The following MSL2 variants were observed in gnomAD, a reference collection of about 807,000 sequenced individuals.
MSL2 encodes MSL complex subunit 2.
In MSL2, 2 loss-of-function variants were observed where a neutral mutation model predicts 35.8. The ratio of observed to expected loss-of-function variants is 0.06; its 90% CI spans 0.02 to 0.18. The LOEUF (loss-of-function observed/expected upper bound fraction) is 0.18. Ranked by LOEUF, MSL2 falls within the 10% of genes least tolerant of loss-of-function variation. The pLI is 1.00. For missense variants in MSL2, 523 were observed against 706.7 expected (o/e 0.74, Z 2.95); for synonymous variants, 296 against 255.7 (o/e 1.16, Z -1.50).
chr3:136,188,584 T>C (rs1576376831), intron 1 of MSL2, among the ~76,000 whole-genome samples: 1 of 152,054 alleles, frequency 6.6e-6, no homozygotes, highest in Middle Eastern at 3.4e-3. Context: ...ACCCCATCTC[T>C]ACAAAATATC....
At chr3:136,186,580 GCA>G (rs1315678501) in intron 1 of MSL2, among the ~76,000 whole-genome samples, 1 of 152,150 alleles carries the variant, frequency 6.6e-6, no homozygotes, top group Non-Finnish European at 1.5e-5. Flanking sequence ...TCTCATAGGA[GCA>G]CAAACACTAT....
At position 136,150,140 on chromosome 3, in the gene MSL2, ATTC is replaced by A. The variant is rs999505526; in HGVS notation, c.*1004_*1006del. 2.0e-5 allele frequency: 3 copies of A among 152,654 alleles called. No individual in the cohort carries two copies. The highest frequency in any genetic ancestry group is 2.9e-5 in the Non-Finnish European group (2 of 68,030). The allele number at this position is 152,654 out of a possible 1,614,324, so 9.5% of individuals were successfully genotyped here. A position where few individuals can be genotyped will look rare whatever the true frequency, so the allele number is the denominator to read the frequency against. On this transcript the variant is annotated 3_prime_UTR_variant, in exon 2 of 2. Coordinates refer to ENST00000309993, the MANE Select transcript of MSL2 (RefSeq NM_018133.4). The stretch of plus-strand genomic sequence containing the variant: ...AAATGCACAGGCTTTATAAAAAGGC[ATTC>A]TTATTAGGCCTCTATAAAGAAGCCT...
Position 136,152,223 on chromosome 3 carries a change from C to A in MSL2, c.658G>T (p.Val220Leu), listed in dbSNP as rs138484914. 4.6e-5 allele frequency: 74 copies of A among 1,614,066 alleles called. No homozygotes were observed. In the Middle Eastern group the frequency reaches 2.8e-3, roughly 61 times the overall value. The stretch of plus-strand genomic sequence containing the variant: ...GTTTTTATGTCAACAGTATTACATA[C>A]GTCAATCGTATTTGAATGTTCAGGT... Reference protein sequence around the residue: ...PSPEHSNTIDVCNTVDIKTED... With the variant: ...PSPEHSNTIDLCNTVDIKTED... The change falls in exon 2 of 2, where the codon GTA becomes TTA. Residue 220 changes from valine to leucine, a missense_variant. Coordinates refer to ENST00000309993, the MANE Select transcript of MSL2 (RefSeq NM_018133.4).
intron 1 of MSL2, among the ~76,000 whole-genome samples, chr3:136,163,298 A>G (rs1463766975): frequency 6.6e-6 from 1 of 152,208 alleles, no homozygotes; most frequent in Non-Finnish European, 1.5e-5. Flanking sequence ...GTAGCCCTAA[A>G]ATGAATTTCA....
At chr3:136,168,411 C>CTTAT (rs756439756) in intron 1 of MSL2, among the ~76,000 whole-genome samples, 1 of 152,170 alleles carries the variant, frequency 6.6e-6, no homozygotes. Context: ...CACACATAAA[C>CTTAT]CATGGAATAC....
rs2108053356 is a variant in MSL2 at position 136,149,149 on chromosome 3, A to C, written c.*1998T>G. ...AAAAAAAAAAACCCACAAGATTATC[A>C]AACTTGGGAAGCAATAAAGTACTCT... On this transcript the variant is annotated 3_prime_UTR_variant, in exon 2 of 2. Coordinates refer to ENST00000309993, the MANE Select transcript of MSL2 (RefSeq NM_018133.4). 1 of 152,094 alleles carries C rather than the reference A, an allele frequency of 6.6e-6. No individual in the cohort carries two copies. Among genetic ancestry groups the C allele is most frequent in the Non-Finnish European group, 1.5e-5 (1 of 67,912 alleles). The allele number at this position is 152,094 out of a possible 1,614,324, so 9.4% of individuals were successfully genotyped here. A position where few individuals can be genotyped will look rare whatever the true frequency, so the allele number is the denominator to read the frequency against.
chr3:136,165,207 CAAA>C (rs371730438), intron 1 of MSL2, among the ~76,000 whole-genome samples: 1,404 of 59,312 alleles, frequency 0.024, 28 homozygotes, highest in South Asian at 0.12. Context: ...AAGTTCGTGA[CAAA>C]AAAAAAAAAA....
chr3:136,151,176 C>T lies in MSL2; in HGVS notation c.1705G>A (p.Glu569Lys), dbSNP rs1200731011. The stretch of plus-strand genomic sequence containing the variant: ...CAGTCGAATCTCATGTCTATAGCTT[C>T]ATCCAAACTTTTATCATCATGTGTA... ...ASTHDDKSLD[E>K]AIDMRFDC Residue 569 changes from glutamate (E) to lysine (K), a missense_variant, in exon 2 of 2, where the codon GAA becomes AAA. Transcript: ENST00000309993. This position sits in a 1 kb window ranked among gnomAD's most constrained non-coding sequence, Gnocchi z 5.2. 7 of 1,613,894 alleles carry T rather than the reference C, an allele frequency of 4.3e-6. No individual in the cohort carries two copies. Among genetic ancestry groups the T allele is most frequent in the African/African-American group, 1.3e-5 (1 of 74,938 alleles).
intron 1 of MSL2, chr3:136,155,759 A>G: frequency 1.8e-6 from 1 of 540,630 alleles, no homozygotes. Context: ...AATTGTGAGC[A>G]CCATGTACGT....
intron 1 of MSL2, among the ~76,000 whole-genome samples, chr3:136,153,552 C>T (rs1300891398): frequency 1.3e-5 from 2 of 152,184 alleles, no homozygotes; most frequent in Non-Finnish European, 2.9e-5. Context: ...CTTTGGGAGG[C>T]TGAGGTGGGC....
At chr3:136,194,307 T>C (rs1940772576) in intron 1 of MSL2, 1 of 651,914 alleles carries the variant, frequency 1.5e-6, no homozygotes, top group Non-Finnish European at 1.9e-6. Context: ...CGAGTTAATT[T>C]TTTTTAACAA....
At chr3:136,159,347 G>GTACT (rs1271533693) in intron 1 of MSL2, among the ~76,000 whole-genome samples, 2 of 134,746 alleles carry the variant, frequency 1.5e-5, no homozygotes, top group African/African-American at 2.8e-5. Flanking sequence ...GGAAAGGAGA[G>GTACT]TACTTTCTTT....
intron 1 of MSL2, among the ~76,000 whole-genome samples, chr3:136,179,555 T>C (rs1000278907): frequency 6.6e-6 from 1 of 152,190 alleles, no homozygotes; most frequent in Admixed American, 6.5e-5. Flanking sequence ...TACTTTTAAC[T>C]TTTTCTTCCC....
Position 136,195,094 on chromosome 3 carries a change from G to C in MSL2, c.20C>G (p.Thr7Ser). MNPVNA[T>S]ALYISASRLV... ...GCGGCTCGCGGAAATGTAGAGAGCA[G>C]TAGCATTCACGGGGTTCATTGCAGA... The change falls in exon 1 of 2, where the codon ACT becomes AGT. Residue 7 changes from threonine to serine, a missense_variant. Physicochemically the swap from Thr to Ser is moderately conservative, Grantham distance 58. This residue lies in a region of MSL2 where 45 missense variants were observed against 47.5 expected (regional missense o/e 0.95). Transcript: ENST00000309993. The C allele has an allele frequency of 6.2e-7, 1 of 1,612,496 alleles. No homozygotes were observed. The highest frequency in any genetic ancestry group is 8.5e-7 in the Non-Finnish European group (1 of 1,179,586).
intron 1 of MSL2, among the ~76,000 whole-genome samples, chr3:136,166,681 TGA>T (rs1280493932): frequency 6.6e-6 from 1 of 152,200 alleles, no homozygotes; most frequent in African/African-American, 2.4e-5. Context: ...AGCATAAGTT[TGA>T]GAGGCAAATA....
intron 1 of MSL2, among the ~76,000 whole-genome samples, chr3:136,173,242 C>T (rs1367152218): frequency 6.6e-6 from 1 of 152,164 alleles, no homozygotes; most frequent in East Asian, 1.9e-4. Context: ...GTTTTAACTA[C>T]TGTTCATAAA....
At position 136,159,354 on chromosome 3, in the gene MSL2, C is replaced by CTTTTTTTTTTTTTTTTTTTTT. The variant is rs71157361; in HGVS notation, c.143-6637_143-6617dup. On this transcript the variant is annotated intron_variant, in intron 1 of 1. Coordinates refer to ENST00000309993, the MANE Select transcript of MSL2 (RefSeq NM_018133.4). ...TTCAATGGGGAAAGGAGAGTACTTT[C>CTTTTTTTTTTTTTTTTTTTTT]TTTTTTTTTTTTTTTTTTTTTTTTT... Among the ~76,000 whole-genome samples the CTTTTTTTTTTTTTTTTTTTTT allele has an allele frequency of 1.1e-4, 8 of 70,054 alleles. 1 individual carries two copies. The highest frequency in any genetic ancestry group is 4.4e-4 in the African/African-American group (8 of 17,992). 46.0% of individuals were successfully genotyped at this position (70,054 alleles called of 152,430 possible). A position where few individuals can be genotyped will look rare whatever the true frequency, so the allele number is the denominator to read the frequency against.
intron 1 of MSL2, among the ~76,000 whole-genome samples, chr3:136,153,342 G>A (rs370597671): frequency 6.6e-6 from 1 of 152,156 alleles, no homozygotes; most frequent in Non-Finnish European, 1.5e-5. Flanking sequence ...TGGGGAAACA[G>A]ATATGAGTAA....
At chr3:136,180,127 A>G (rs1940298484) in intron 1 of MSL2, among the ~76,000 whole-genome samples, 1 of 152,168 alleles carries the variant, frequency 6.6e-6, no homozygotes, top group Non-Finnish European at 1.5e-5. Context: ...TGAATGTTAA[A>G]AATGTAGGCT....
Sources: gnomAD v4.1 joint callset for allele counts (sites outside exome capture counted in the v4.1 genomes callset) on GRCh38, gnomAD v4.1.1 for gene constraint, gnomAD v4.1.1 regional missense constraint, Gnocchi (gnomAD v3.1) non-coding constraint, MANE v1.5 for transcripts, NCBI Gene and HGNC (gene_info 2026-07-23, HGNC 2026-07-21) for gene names.